The following CSTL1 variants were observed in gnomAD, a reference collection of about 807,000 sequenced individuals.
CSTL1 encodes the protein cystatin-like 1.
CSTL1 carries 14 observed loss-of-function variants against 14.4 expected under a neutral mutation model. The observed-to-expected ratio is 0.97, with a 90% confidence interval of 0.64 to 1.52. CSTL1 has a LOEUF of 1.52. Among genes scored for constraint, CSTL1 ranks in the 40% most tolerant of loss-of-function variants. CSTL1 has a pLI of 0.00. For missense variants in CSTL1, 170 were observed against 168.7 expected (o/e 1.01, Z -0.04); for synonymous variants, 72 against 67.5 (o/e 1.07, Z -0.33).
chr20:23,461,052 A>G, the CSTL1 span, among the ~76,000 whole-genome samples: 2 of 152,212 alleles, frequency 1.3e-5, no homozygotes, highest in Admixed American at 1.3e-4. Flanking sequence ...TCTTATTTTC[A>G]GAAATTGCCA....
At chr20:23,458,483 A>G in the CSTL1 span, 1 of 152,128 alleles carries the variant, frequency 6.6e-6, no homozygotes, top group African/African-American at 2.4e-5. Context: ...GCTCAGGTGG[A>G]TGTGTCTCCT....
the CSTL1 span, among the ~76,000 whole-genome samples, chr20:23,457,214 A>C: frequency 1.3e-5 from 2 of 152,008 alleles, 1 homozygote; most frequent in East Asian, 3.9e-4. Flanking sequence ...GGACCATCTC[A>C]ACCCAGCCGC....
At position 23,443,880 on chromosome 20, in the gene CSTL1, GTCA is replaced by G. The variant is rs1457466229; in HGVS notation, c.220-53_220-51del. 4.5e-6 allele frequency: 6 copies of G among 1,338,738 alleles called. No individual in the cohort carries two copies. In the South Asian group the frequency reaches 7.2e-5, roughly 16 times the overall value. 82.9% of individuals were successfully genotyped at this position (1,338,738 alleles called of 1,614,324 possible). A position where few individuals can be genotyped will look rare whatever the true frequency, so the allele number is the denominator to read the frequency against. On this transcript the variant is annotated intron_variant, in intron 2 of 3. Coordinates refer to ENST00000347397, the MANE Select transcript of CSTL1 (RefSeq NM_138283.1). ...TCAGTCCTAGCTTCTCCAGGAGAGG[GTCA>G]GCCACTGGATGCTTGGAGTCCACAC...
downstream of CSTL1, among the ~76,000 whole-genome samples, chr20:23,449,900 C>T (rs1375965692): frequency 6.6e-6 from 1 of 152,166 alleles, no homozygotes; most frequent in Non-Finnish European, 1.5e-5. Context: ...TCCAGTGTTG[C>T]TCGTGCAAGG....
the CSTL1 span, among the ~76,000 whole-genome samples, chr20:23,452,125 T>C: frequency 6.6e-6 from 1 of 152,222 alleles, no homozygotes; most frequent in Non-Finnish European, 1.5e-5. Context: ...AACATGAACT[T>C]TCCCCCTGGG....
intron 3 of CSTL1, 88 bp downstream of exon 3, chr20:23,444,132 T>C (rs1986910475): frequency 8.4e-7 from 1 of 1,189,426 alleles, no homozygotes; most frequent in Non-Finnish European, 1.2e-6. Flanking sequence ...GCCACTTGTG[T>C]GGATTGGGGC....
chr20:23,452,603 A>G, the CSTL1 span: 1 of 1,612,488 alleles, frequency 6.2e-7, no homozygotes, highest in Non-Finnish European at 8.5e-7. Flanking sequence ...GACTTTAAGG[A>G]CTCGGAAGAT....
chr20:23,450,769 C>T, the CSTL1 span, among the ~76,000 whole-genome samples: 15 of 152,260 alleles, frequency 9.9e-5, no homozygotes, highest in South Asian at 6.2e-4. Flanking sequence ...TACTATCAAG[C>T]GGCTGAAATC....
the CSTL1 span, among the ~76,000 whole-genome samples, chr20:23,453,617 A>C: frequency 6.6e-6 from 1 of 152,152 alleles, no homozygotes. Context: ...CGGCACACAG[A>C]ATGCAGGCTT....
the CSTL1 span, among the ~76,000 whole-genome samples, chr20:23,451,452 C>T: frequency 1.3e-5 from 2 of 152,200 alleles, no homozygotes; most frequent in Admixed American, 6.5e-5. Flanking sequence ...AGCACTTGCG[C>T]GGCCTTGTCA....
At chr20:23,455,819 G>A in the CSTL1 span, among the ~76,000 whole-genome samples, 4 of 152,248 alleles carry the variant, frequency 2.6e-5, no homozygotes, top group Admixed American at 6.5e-5. Context: ...TCAGTGGCCC[G>A]TGGGTTCTCT....
downstream of CSTL1, among the ~76,000 whole-genome samples, chr20:23,445,993 A>G (rs989053231): frequency 1.3e-5 from 2 of 152,176 alleles, no homozygotes; most frequent in Admixed American, 1.3e-4. Context: ...TATGTGTCAC[A>G]AGGAAGCTCC....
chr20:23,448,395 C>T (rs1202708171), downstream of CSTL1, among the ~76,000 whole-genome samples: 2 of 152,188 alleles, frequency 1.3e-5, no homozygotes, highest in African/African-American at 4.8e-5. Context: ...GCAGAGCTCT[C>T]CGGCGATGGA....
chr20:23,457,914 C>T, the CSTL1 span, among the ~76,000 whole-genome samples: 8 of 152,182 alleles, frequency 5.3e-5, no homozygotes, highest in Non-Finnish European at 1.0e-4. Flanking sequence ...TTCCTTCCAT[C>T]GCCTCTCTGG....
At chr20:23,452,971 C>G in the CSTL1 span, 1 of 612,556 alleles carries the variant, frequency 1.6e-6, no homozygotes, top group Non-Finnish European at 2.9e-6. Flanking sequence ...CAGCTGAACT[C>G]GAGGGGAGAG....
At chr20:23,451,996 C>T in the CSTL1 span, 23 of 1,044,172 alleles carry the variant, frequency 2.2e-5, no homozygotes, top group Admixed American at 2.1e-4. Flanking sequence ...CTGGGGGCTC[C>T]GCTACCCCAC....
downstream of CSTL1, among the ~76,000 whole-genome samples, chr20:23,447,802 T>G (rs115450957): frequency 7.4e-4 from 113 of 152,354 alleles, no homozygotes; most frequent in African/African-American, 2.6e-3. Context: ...AAGAGTTAGT[T>G]GGTAATAGGA....
chr20:23,452,874 A>T, the CSTL1 span: 1 of 1,314,302 alleles, frequency 7.6e-7, no homozygotes, highest in Admixed American at 2.0e-5. Flanking sequence ...GTCGAATCAC[A>T]CTGACCCTAC....
chr20:23,440,271 G>C lies in CSTL1; in HGVS notation c.4G>C (p.Gly2Arg), dbSNP rs766732913. The C allele has an allele frequency of 5.6e-6, 9 of 1,613,940 alleles. No individual in the cohort carries two copies. The highest frequency in any genetic ancestry group is 1.7e-4 in the Middle Eastern group (1 of 6,014). MGIGCWRNPLLL... is the reference protein window; with the variant it reads MRIGCWRNPLLL... Reference sequence around the variant, plus strand: ...GAAAGTTTCTGAGGCTGTAGACATGGGGATCGGATGCTGGAGAAACCCCCT... The same window carrying C: ...GAAAGTTTCTGAGGCTGTAGACATGCGGATCGGATGCTGGAGAAACCCCCT... Residue 2 changes from glycine to arginine, a missense_variant, in exon 2 of 4, where the codon GGG becomes CGG. Physicochemically the swap from Gly to Arg is moderately radical, Grantham distance 125. Transcript: ENST00000347397.
Sources: allele counts gnomAD v4.1 joint callset (sites outside exome capture counted in the v4.1 genomes callset), GRCh38; gene constraint gnomAD v4.1.1; transcripts MANE v1.5; gene names NCBI Gene and HGNC (gene_info 2026-07-23, HGNC 2026-07-21).